The following ATM variants were observed in gnomAD, a reference collection of about 807,000 sequenced individuals.
ATM encodes the protein ATM serine/threonine kinase, also known as serine-protein kinase ATM.
Under a neutral mutation model 387.0 loss-of-function variants are expected in ATM, and 308 were observed. That is an observed-to-expected ratio of 0.80 (90% confidence interval 0.73 to 0.87). The LOEUF (loss-of-function observed/expected upper bound fraction) is 0.87. Ranked by LOEUF, ATM falls within the 40% of genes least tolerant of loss-of-function variation. The pLI, the probability that ATM is intolerant of heterozygous loss-of-function variation, is 0.00. For missense variants in ATM, 3,312 were observed against 3,560.9 expected, an observed-to-expected ratio of 0.93 and a Z score of 1.78; for synonymous variants, 1,156 against 1,187.3, an observed-to-expected ratio of 0.97 and a Z score of 0.54.
intron 17 of ATM, 77 bp downstream of exon 17, chr11:108,267,419 T>C (rs1049901019): frequency 1.5e-4 from 206 of 1,336,044 alleles, no homozygotes; most frequent in Non-Finnish European, 6.7e-5. Context: ...CTCATTGATA[T>C]CAATTTTGTG....
intron 37 of ATM, 111 bp from the exon 38 acceptor site, chr11:108,307,786 A>G: frequency 1.1e-6 from 1 of 928,732 alleles, no homozygotes; most frequent in East Asian, 2.6e-5. Context: ...TGTGTTAGGT[A>G]CTGCCCACCA....
At chr11:108,297,766 G>A (rs2135868710) in intron 33 of ATM, among the ~76,000 whole-genome samples, 1 of 152,272 alleles carries the variant, frequency 6.6e-6, no homozygotes, top group South Asian at 2.1e-4. Context: ...GGAAATATGA[G>A]ATGCTAGCTA....
chr11:108,325,407 A>G lies in ATM; in HGVS notation c.6670A>G (p.Met2224Val), dbSNP rs545873723. ...TGATTTTAGTTTTCAGGAGCCTATC[A>G]TGGCTCTACGCACAGTCATTTTGGA... is the stretch of plus-strand genomic sequence containing the variant. The part of the protein sequence containing the change: ...DSDFSFQEPI[M>V]ALRTVILEIL... Residue 2224 changes from methionine (M) to valine (V), a missense_variant, in exon 46 of 63, where the codon ATG becomes GTG. Around this residue, in one of 4 missense-constraint regions of ATM, gnomAD observed 1,405 missense variants for 1,604.4 expected, o/e 0.88. Coordinates refer to ENST00000675843, the MANE Select transcript of ATM (RefSeq NM_000051.4). 4 of 1,613,846 alleles carry G rather than the reference A, an allele frequency of 2.5e-6. No homozygotes were observed. In the African/African-American group the frequency reaches 4.0e-5, roughly 16 times the overall value.
intron 23 of ATM, 76 bp downstream of exon 23, chr11:108,279,684 G>A: frequency 8.4e-7 from 1 of 1,186,254 alleles, no homozygotes; most frequent in Non-Finnish European, 1.3e-6. Context: ...CACCAAGTTT[G>A]GTATAAGAGA....
intron 9 of ATM, among the ~76,000 whole-genome samples, chr11:108,249,921 T>C (rs1246064147): frequency 6.6e-6 from 1 of 152,136 alleles, no homozygotes. Flanking sequence ...GAACACCTGT[T>C]ATGGGCTAAG....
At chr11:108,319,836 A>C (rs1591098530) in intron 43 of ATM, 118 bp from the exon 44 acceptor site, 1 of 717,074 alleles carries the variant, frequency 1.4e-6, no homozygotes, top group East Asian at 2.6e-5. Flanking sequence ...CTAGAAATGC[A>C]TTTTTTAGAA....
intron 61 of ATM, among the ~76,000 whole-genome samples, chr11:108,363,149 C>T (rs1481942073): frequency 6.6e-6 from 1 of 152,124 alleles, no homozygotes; most frequent in Non-Finnish European, 1.5e-5. Flanking sequence ...ACCCTTTCTG[C>T]CTTCAGCTTT....
chr11:108,326,149 G>C lies in ATM; in HGVS notation c.6899G>C (p.Trp2300Ser), dbSNP rs1555119899. ...CAGCTGGAAGAAGCACAAGTATTCT[G>C]GGCAAAAAAGGAGCAGAGTCTTGCC... is the stretch of plus-strand genomic sequence containing the variant. ...EWQLEEAQVFWAKKEQSLALS... is the reference protein window; with the variant it reads ...EWQLEEAQVFSAKKEQSLALS... The change falls in exon 47 of 63, where the codon TGG becomes TCG. Residue 2300 changes from tryptophan to serine, a missense_variant. Physicochemically the swap from Trp to Ser is radical, Grantham distance 177. Around this residue, in one of 4 missense-constraint regions of ATM, gnomAD observed 1,405 missense variants for 1,604.4 expected, o/e 0.88. Transcript: ENST00000675843. 6.2e-7 allele frequency: 1 copy of C among 1,613,944 alleles called. No individual in the cohort carries two copies. Among genetic ancestry groups the C allele is most frequent in the Non-Finnish European group, 8.5e-7 (1 of 1,179,962 alleles).
chr11:108,232,630 C>T (rs555733693), intron 4 of ATM, among the ~76,000 whole-genome samples: 2 of 130,910 alleles, frequency 1.5e-5, no homozygotes, highest in East Asian at 5.0e-4. Flanking sequence ...GCCTCTTCTT[C>T]CTGGGCGCAA....
At chr11:108,362,619 A>C (rs991094488) in intron 61 of ATM, among the ~76,000 whole-genome samples, 1 of 150,068 alleles carries the variant, frequency 6.7e-6, no homozygotes, top group African/African-American at 2.5e-5. Context: ...CTATGCAGCC[A>C]TAAAAAATGA....
chr11:108,315,978 AC>A, intron 41 of ATM, 32 bp from the exon 42 acceptor site: 1 of 1,611,206 alleles, frequency 6.2e-7, no homozygotes, highest in Non-Finnish European at 8.5e-7. Flanking sequence ...TGTGTGTAAA[AC>A]CCAAAGCTAT....
rs781215442 is a variant in ATM at position 108,332,026 on chromosome 11, C to T, written c.7777C>T (p.Gln2593Ter). The T allele has an allele frequency of 2.5e-6, 4 of 1,613,662 alleles. No individual in the cohort carries two copies. Among genetic ancestry groups the T allele is most frequent in the Non-Finnish European group, 3.4e-6 (4 of 1,179,842 alleles). Residue 2593 changes from glutamine (Q) to a stop codon, truncating the protein, a stop_gained, in exon 52 of 63, where the codon CAG becomes TAG. Transcript: ENST00000675843. LOFTEE classifies it high-confidence loss of function. ...TAAAAATGTGCCTAAACAAAGCTCT[C>T]AGCTTGATGAGGTATTTGGATTAAA... ...ITKNVPKQSS[Q>*]LDEDRTEAAN...
Position 108,244,774 on chromosome 11 carries a change from T to G in ATM, c.663-14T>G. The G allele has an allele frequency of 5.6e-6, 9 of 1,595,000 alleles. No individual in the cohort carries two copies. Among genetic ancestry groups the G allele is most frequent in the Non-Finnish European group, 7.7e-6 (9 of 1,162,966 alleles). On this transcript the variant is annotated splice_polypyrimidine_tract_variant and intron_variant, in intron 6 of 62. Transcript: ENST00000675843. ...CCCTGTTATACCCAGTTGAGCTTGT[T>G]TGTTTCTTCACAGACAAGAAAAGAG...
chr11:108,297,045 C>T (rs940534760), intron 32 of ATM: 6 of 467,636 alleles, frequency 1.3e-5, no homozygotes, highest in South Asian at 6.7e-5. Context: ...CTTATCTGCA[C>T]AATTTGTTTA....
chr11:108,349,328 A>C (rs1451567246), intron 59 of ATM, among the ~76,000 whole-genome samples: 1 of 152,208 alleles, frequency 6.6e-6, no homozygotes, highest in Non-Finnish European at 1.5e-5. Flanking sequence ...ACCATACTGT[A>C]AAAAGGCAAG....
intron 16 of ATM, among the ~76,000 whole-genome samples, chr11:108,259,323 A>C (rs1372936380): frequency 6.6e-6 from 1 of 152,106 alleles, no homozygotes; most frequent in East Asian, 1.9e-4. Context: ...CCCCGTCTCT[A>C]CTAAAAATAC....
intron 42 of ATM, 57 bp downstream of exon 42, chr11:108,316,170 CA>C: frequency 4.1e-6 from 6 of 1,465,808 alleles, no homozygotes; most frequent in Non-Finnish European, 9.5e-7. Flanking sequence ...GAGGTTATTT[CA>C]GTATGTTGGT....
At position 108,244,924 on chromosome 11, in the gene ATM, A is replaced by G. The variant is rs876660962; in HGVS notation, c.799A>G (p.Thr267Ala). The G allele has an allele frequency of 1.2e-6, 2 of 1,613,408 alleles. No individual in the cohort carries two copies. Among genetic ancestry groups the G allele is most frequent in the Non-Finnish European group, 8.5e-7 (1 of 1,179,638 alleles). The part of the protein sequence containing the change: ...EILPTLLYIW[T>A]QHRLNDSLKE... ...TCTTCCCACTTTGCTTTATATTTGG[A>G]CTCAACATAGGCTTAATGATTCTTT... The change falls in exon 7 of 63, where the codon ACT becomes GCT. Residue 267 changes from threonine (T) to alanine (A), a missense_variant. Thr to Ala is a moderately conservative substitution (Grantham distance 58, BLOSUM62 0). This residue lies in a region of ATM where 1,791 missense variants were observed against 1,804.5 expected (regional missense o/e 0.99). Coordinates refer to ENST00000675843, the MANE Select transcript of ATM (RefSeq NM_000051.4).
At chr11:108,333,832 C>A in intron 53 of ATM, 54 bp from the exon 54 acceptor site, 2 of 1,369,182 alleles carry the variant, frequency 1.5e-6, no homozygotes, top group Non-Finnish European at 1.0e-6. Flanking sequence ...TCCTGCTTGA[C>A]CTTCAATGCT....
Sources: gnomAD v4.1 joint callset for allele counts (sites outside exome capture counted in the v4.1 genomes callset) on GRCh38, gnomAD v4.1.1 for gene constraint, gnomAD v4.1.1 regional missense constraint, MANE v1.5 for transcripts, NCBI Gene and HGNC (gene_info 2026-07-23, HGNC 2026-07-21) for gene names.